The following RERE variants were observed in gnomAD, a reference collection of about 807,000 sequenced individuals.
RERE encodes the protein arginine-glutamic acid dipeptide repeats, also known as arginine-glutamic acid dipeptide repeats protein.
A neutral mutation model predicts 146.1 loss-of-function variants in RERE; 40 were observed. That is an observed-to-expected ratio of 0.27 (90% CI 0.21 to 0.36). The LOEUF is 0.36. Among genes scored for constraint, RERE ranks in the 10% least tolerant of loss-of-function variants. RERE has a pLI of 1.00. For synonymous variants in RERE, 1,003 were observed against 866.0 expected, an observed-to-expected ratio of 1.16 and a Z score of -2.78; for missense variants, 1,933 against 2,138.7, an observed-to-expected ratio of 0.90 and a Z score of 1.90.
At chr1:8,804,101 C>G (rs1173253832) in intron 1 of RERE, among the ~76,000 whole-genome samples, 1 of 152,092 alleles carries the variant, frequency 6.6e-6, no homozygotes, top group Non-Finnish European at 1.5e-5. Context: ...AATTAAGTCT[C>G]AACAAGGTCT....
At chr1:8,795,999 C>A (rs9434642) in intron 1 of RERE, among the ~76,000 whole-genome samples, 115,928 of 129,734 alleles carry the variant, frequency 0.89, 51,065 homozygotes, top group African/African-American at 0.93. Context: ...AAAAAAAAAA[C>A]AAAACAAAAC....
chr1:8,424,736 C>T (rs79013080), intron 11 of RERE: 2 of 152,390 alleles, frequency 1.3e-5, no homozygotes, highest in Non-Finnish European at 2.9e-5. Flanking sequence ...GCAAGAAAAG[C>T]AGCAGAGGAA....
chr1:8,641,499 T>C (rs546360965), intron 2 of RERE, among the ~76,000 whole-genome samples: 1 of 152,256 alleles, frequency 6.6e-6, no homozygotes, highest in Admixed American at 6.5e-5. Context: ...CCAATTAGAT[T>C]CTAGGTAAAT....
At chr1:8,376,644 T>C (rs1642268025) in intron 12 of RERE, among the ~76,000 whole-genome samples, 1 of 152,216 alleles carries the variant, frequency 6.6e-6, no homozygotes, top group African/African-American at 2.4e-5. Context: ...CTAGGCAACA[T>C]ATGTCCCAGA....
chr1:8,727,520 C>G (rs982679791), intron 1 of RERE, among the ~76,000 whole-genome samples: 1 of 151,508 alleles, frequency 6.6e-6, no homozygotes, highest in Non-Finnish European at 1.5e-5. Context: ...TTTTGGACAG[C>G]GTCTCGCTCT....
chr1:8,587,508 C>G (rs1454732315), intron 4 of RERE, among the ~76,000 whole-genome samples: 1 of 152,228 alleles, frequency 6.6e-6, no homozygotes, highest in African/African-American at 2.4e-5. Context: ...TCCCCTCCAC[C>G]ACTAACTCTA....
intron 4 of RERE, among the ~76,000 whole-genome samples, chr1:8,588,342 C>T (rs138835223): frequency 1.3e-5 from 2 of 152,144 alleles, no homozygotes; most frequent in East Asian, 1.9e-4. Flanking sequence ...TTCAGAAACA[C>T]GTCTGACTTT....
chr1:8,781,593 G>T (rs550394390), intron 1 of RERE, among the ~76,000 whole-genome samples: 9 of 151,426 alleles, frequency 5.9e-5, no homozygotes, highest in Non-Finnish European at 1.3e-4. Flanking sequence ...GTTACTTTGG[G>T]AAAGTTATTG....
chr1:8,567,604 C>T (rs1021177310), intron 4 of RERE, among the ~76,000 whole-genome samples: 1 of 152,214 alleles, frequency 6.6e-6, no homozygotes, highest in Non-Finnish European at 1.5e-5. Context: ...ACTAAATCAT[C>T]TCTGAAATGC....
At chr1:8,430,517 T>A (rs948150043) in intron 11 of RERE, among the ~76,000 whole-genome samples, 4 of 152,232 alleles carry the variant, frequency 2.6e-5, no homozygotes, top group African/African-American at 9.6e-5. Context: ...TCTCCAGATC[T>A]GACATTTTGC....
At chr1:8,588,182 G>A (rs1380494068) in intron 4 of RERE, among the ~76,000 whole-genome samples, 1 of 152,124 alleles carries the variant, frequency 6.6e-6, no homozygotes, top group East Asian at 1.9e-4. Context: ...TGTTCTTCAT[G>A]CAGTATTTAT....
At chr1:8,533,285 T>C (rs1012229963) in intron 7 of RERE, among the ~76,000 whole-genome samples, 1 of 152,166 alleles carries the variant, frequency 6.6e-6, no homozygotes, top group Non-Finnish European at 1.5e-5. Flanking sequence ...AAACTCTGCT[T>C]ACATGAGAGA....
intron 7 of RERE, among the ~76,000 whole-genome samples, chr1:8,518,179 G>C (rs1403051606): frequency 6.6e-6 from 1 of 152,214 alleles, no homozygotes; most frequent in South Asian, 2.1e-4. Context: ...GAAGATGAGG[G>C]AGGAGGATAG....
chr1:8,489,903 A>G (rs1216749312), intron 10 of RERE, among the ~76,000 whole-genome samples: 1 of 151,850 alleles, frequency 6.6e-6, no homozygotes, highest in Non-Finnish European at 1.5e-5. Context: ...ACAAAAAATT[A>G]GCCAGGCGTG....
chr1:8,357,177 C>T (rs1292442097), intron 20 of RERE, among the ~76,000 whole-genome samples: 1 of 152,242 alleles, frequency 6.6e-6, no homozygotes, highest in East Asian at 1.9e-4. Context: ...GACAGGGGTT[C>T]TGCCAGCACC....
Position 8,499,981 on chromosome 1 carries a change from G to A in RERE, c.880-2452C>T, listed in dbSNP as rs146726244. ...CGAAAAATACAAAAATTAGCCAGGCGTGGTGGCACACGCCTATAGTGCCAG... is the reference window on the plus strand; with the variant it reads ...CGAAAAATACAAAAATTAGCCAGGCATGGTGGCACACGCCTATAGTGCCAG... On this transcript the variant is annotated intron_variant, in intron 8 of 22. Transcript: ENST00000400908. Among the ~76,000 whole-genome samples the A allele has an allele frequency of 6.0e-3, 918 of 152,290 alleles. 7 individuals are homozygous for A. Among genetic ancestry groups the A allele is most frequent in the African/African-American group, 0.021 (891 of 41,556 alleles).
chr1:8,406,209 G>A (rs190775365), intron 12 of RERE, among the ~76,000 whole-genome samples: 39 of 152,132 alleles, frequency 2.6e-4, no homozygotes, highest in Admixed American at 1.3e-3. Context: ...ATGACTACAG[G>A]TGTGTGGCAC....
intron 12 of RERE, among the ~76,000 whole-genome samples, chr1:8,393,256 C>T (rs1238920463): frequency 2.6e-5 from 4 of 152,198 alleles, no homozygotes; most frequent in African/African-American, 9.7e-5. Context: ...ACCAACTGCT[C>T]TAGGAAGATC....
At chr1:8,525,714 C>T in intron 7 of RERE, 1 of 1,558,082 alleles carries the variant, frequency 6.4e-7, no homozygotes, top group Non-Finnish European at 8.7e-7. Flanking sequence ...GAAAGAGCAG[C>T]AAAACCCATC....
Sources: allele counts gnomAD v4.1 joint callset (sites outside exome capture counted in the v4.1 genomes callset), GRCh38; gene constraint gnomAD v4.1.1; transcripts MANE v1.5; gene names NCBI Gene and HGNC (gene_info 2026-07-23, HGNC 2026-07-21).